Variants in DNAH14 observed in about 807,000 individuals in gnomAD.
The protein encoded by DNAH14 is axonemal beta dynein heavy chain 14.
Under a neutral mutation model 520.9 loss-of-function variants are expected in DNAH14, and 478 were observed. The ratio of observed to expected loss-of-function variants is 0.92; its 90% CI spans 0.85 to 0.99. The LOEUF (loss-of-function observed/expected upper bound fraction) is 0.99, where lower values mean the gene tolerates loss of function less well. Among genes scored for constraint, DNAH14 ranks in the 50% least tolerant of loss-of-function variants. DNAH14 has a pLI of 0.00. For missense variants in DNAH14, 4,831 were observed against 5,234.5 expected (o/e 0.92, Z 2.38); for synonymous variants, 1,581 against 1,757.2 (o/e 0.90, Z 2.51).
Position 225,302,992 on chromosome 1 carries a change from T to C in DNAH14, c.8632-164T>C, listed in dbSNP as rs75931570. On this transcript the variant is annotated intron_variant, in intron 56 of 85. Transcript: ENST00000682510. ...TGCCTCCCCTACTGTTAGTTTCCCT[T>C]GGAAGGGCTCTGTTTATGGCAGGCA... is the stretch of plus-strand genomic sequence containing the variant. 9.5e-4 allele frequency among the ~76,000 whole-genome samples: 145 copies of C among 152,288 alleles called. 1 individual carries two copies. In the East Asian group the frequency reaches 0.026, roughly 28 times the overall value.
intron 17 of DNAH14, among the ~76,000 whole-genome samples, chr1:225,074,856 G>A (rs1423547329): frequency 3.3e-5 from 5 of 152,202 alleles, no homozygotes; most frequent in Non-Finnish European, 7.3e-5. Context: ...ACTGCTACCT[G>A]TGGCTGGCTG....
chr1:225,141,726 G>A (rs1462725884), intron 28 of DNAH14, among the ~76,000 whole-genome samples: 1 of 152,104 alleles, frequency 6.6e-6, no homozygotes, highest in East Asian at 1.9e-4. Context: ...CCGCTGTGCT[G>A]TTAATTCTGG....
intron 41 of DNAH14, among the ~76,000 whole-genome samples, chr1:225,212,067 C>G (rs970159344): frequency 8.5e-6 from 1 of 117,756 alleles, no homozygotes; most frequent in Non-Finnish European, 1.7e-5. Flanking sequence ...TCCCCCCACC[C>G]CAAGACAGGC....
Position 225,038,803 on chromosome 1 carries a change from A to G in DNAH14, c.1468A>G (p.Thr490Ala). 1 of 1,505,016 alleles carries G rather than the reference A, an allele frequency of 6.6e-7. No homozygotes were observed. The highest frequency in any genetic ancestry group is 8.9e-7 in the Non-Finnish European group (1 of 1,129,448). 93.2% of individuals were successfully genotyped at this position (1,505,016 alleles called of 1,614,324 possible). The stretch of plus-strand genomic sequence containing the variant: ...TTCTGTTCAAAAGTCAGAAGTAAAA[A>G]CAGACACTGATATTAATGAGGTAAA... ...AISVQKSEVK[T>A]DTDINEILNS... The change falls in exon 12 of 86, where the codon ACA becomes GCA. Residue 490 changes from threonine (T) to alanine (A), a missense_variant. Transcript: ENST00000682510.
chr1:225,273,466 A>G (rs1400305608), intron 52 of DNAH14, among the ~76,000 whole-genome samples: 1 of 152,262 alleles, frequency 6.6e-6, no homozygotes, highest in Non-Finnish European at 1.5e-5. Flanking sequence ...AATTGTTTTA[A>G]GTGGATTATT....
At chr1:225,242,148 C>A (rs941330122) in intron 43 of DNAH14, among the ~76,000 whole-genome samples, 1 of 152,066 alleles carries the variant, frequency 6.6e-6, no homozygotes, top group African/African-American at 2.4e-5. Context: ...GTGAGAGGAT[C>A]GCTTGAGCCC....
At position 225,252,062 on chromosome 1, in the gene DNAH14, A is replaced by T. The variant is rs1170948142; in HGVS notation, c.6749-239A>T. Among the ~76,000 whole-genome samples, 3 of 152,332 alleles carry T rather than the reference A, an allele frequency of 2.0e-5. 1 individual carries two copies. The South Asian group carries it at 6.2e-4, about 32-fold the overall frequency. On this transcript the variant is annotated intron_variant, in intron 43 of 85. Transcript: ENST00000682510. ...AAACTTTGGGGTAAGATTTCAAGGA[A>T]TATCAGATCATACTTCACCTTGCTT...
chr1:225,190,655 TATAAG>T lies in DNAH14; in HGVS notation c.5671-2039_5671-2035del, dbSNP rs529313914. 1.7e-4 allele frequency among the ~76,000 whole-genome samples: 26 copies of T among 152,026 alleles called. No homozygotes were observed. The South Asian group carries it at 3.9e-3, about 23-fold the overall frequency. On this transcript the variant is annotated intron_variant, in intron 37 of 85. Coordinates refer to ENST00000682510, the MANE Select transcript of DNAH14 (RefSeq NM_001367479.1). ...CCTAATCCAATTTGACTTGTGTACTTATAAGAAAAGGAAATTTACAAACACAAAGT... is the reference window on the plus strand; with the variant it reads ...CCTAATCCAATTTGACTTGTGTACTTAAAAGGAAATTTACAAACACAAAGT...
chr1:225,256,589 C>G (rs1044361507), intron 44 of DNAH14, among the ~76,000 whole-genome samples: 2 of 152,108 alleles, frequency 1.3e-5, no homozygotes, highest in Non-Finnish European at 2.9e-5. Flanking sequence ...ATGCCATGTT[C>G]TTGGAGAAAA....
At chr1:225,270,025 A>G (rs1218432047) in intron 49 of DNAH14, among the ~76,000 whole-genome samples, 4 of 152,178 alleles carry the variant, frequency 2.6e-5, no homozygotes, top group Non-Finnish European at 5.9e-5. Flanking sequence ...ATGCACACGT[A>G]TGTTTATTGC....
intron 44 of DNAH14, among the ~76,000 whole-genome samples, chr1:225,255,953 A>G (rs796408658): frequency 1.1e-4 from 17 of 152,346 alleles, no homozygotes; most frequent in African/African-American, 4.1e-4. Context: ...GAATAACAAC[A>G]GAGTCTACTT....
chr1:224,930,624 GC>G (rs1363559626), intron 1 of DNAH14, among the ~76,000 whole-genome samples: 3 of 151,934 alleles, frequency 2.0e-5, no homozygotes, highest in Non-Finnish European at 4.4e-5. Context: ...TTGAGACGGA[GC>G]CTCGCTCTGT....
rs925210135 is a variant in DNAH14 at position 225,334,402 on chromosome 1, G to GGGA, written c.10080+900_10080+902dup. Among the ~76,000 whole-genome samples the GGGA allele has an allele frequency of 3.5e-4, 54 of 152,166 alleles. 1 individual carries two copies. The highest frequency in any genetic ancestry group is 2.6e-4 in the Admixed American group (4 of 15,274). ...CCTAAGCCACTTGGAAGGCTGAGGT[G>GGGA]GGAGGATCACATGAGCCCAAGAGAT... On this transcript the variant is annotated intron_variant, in intron 66 of 85. Transcript: ENST00000682510.
intron 42 of DNAH14, among the ~76,000 whole-genome samples, chr1:225,239,013 C>T (rs6701671): frequency 2.6e-4 from 40 of 152,260 alleles, no homozygotes; most frequent in African/African-American, 9.4e-4. Context: ...TGGAAGCTGC[C>T]CTGCCCCCTG....
intron 27 of DNAH14, among the ~76,000 whole-genome samples, chr1:225,126,724 T>G (rs959841355): frequency 6.6e-6 from 1 of 152,152 alleles, no homozygotes; most frequent in Non-Finnish European, 1.5e-5. Context: ...CTGCTCTGAT[T>G]TTAGGTATTT....
At chr1:225,091,282 A>G (rs2074367241) in intron 21 of DNAH14, among the ~76,000 whole-genome samples, 1 of 152,164 alleles carries the variant, frequency 6.6e-6, no homozygotes, top group Admixed American at 6.5e-5. Flanking sequence ...TCCAAGACAC[A>G]TAATCGTCAG....
intron 2 of DNAH14, chr1:224,954,383 T>C (rs1408121287): frequency 6.6e-6 from 1 of 152,232 alleles, no homozygotes; most frequent in Non-Finnish European, 1.5e-5. Flanking sequence ...TTATGGAACC[T>C]AGAATTTTCT....
chr1:225,115,156 C>A (rs1175957875), intron 23 of DNAH14, among the ~76,000 whole-genome samples: 1 of 152,172 alleles, frequency 6.6e-6, no homozygotes, highest in East Asian at 1.9e-4. Context: ...TTTTCCCTAA[C>A]AATGGAGTCT....
chr1:225,236,488 T>C (rs545700118), intron 42 of DNAH14, among the ~76,000 whole-genome samples: 2 of 152,348 alleles, frequency 1.3e-5, no homozygotes, highest in Middle Eastern at 3.4e-3. Flanking sequence ...ATGAGAAGAA[T>C]GTATGTTGTG....
Sources: gnomAD v4.1 joint callset for allele counts (sites outside exome capture counted in the v4.1 genomes callset) on GRCh38, gnomAD v4.1.1 for gene constraint, MANE v1.5 for transcripts, NCBI Gene and HGNC (gene_info 2026-07-23, HGNC 2026-07-21) for gene names.